The following FLRT3 variants were observed in gnomAD, a reference collection of about 807,000 sequenced individuals.
The protein encoded by FLRT3 is leucine-rich repeat transmembrane protein FLRT3.
FLRT3 carries 17 observed loss-of-function variants against 42.6 expected under a neutral mutation model. That is an observed-to-expected ratio of 0.40 (90% CI 0.27 to 0.60). FLRT3 has a LOEUF of 0.60. Ranked by LOEUF, FLRT3 falls within the 20% of genes least tolerant of loss-of-function variation. FLRT3 has a pLI of 0.44. For missense variants in FLRT3, 635 were observed against 789.2 expected, an observed-to-expected ratio of 0.80 and a Z score of 2.34; for synonymous variants, 279 against 286.4, an observed-to-expected ratio of 0.97 and a Z score of 0.26.
At chr20:14,332,283 A>C (rs935046728) in intron 1 of FLRT3, among the ~76,000 whole-genome samples, 1 of 152,144 alleles carries the variant, frequency 6.6e-6, no homozygotes, top group Non-Finnish European at 1.5e-5. Flanking sequence ...TAAAACATGT[A>C]AATAGATAAG....
In FLRT3 at chr20:14,325,993, C is replaced by T. The variant is rs760038366; in HGVS notation, c.1514G>A (p.Arg505Gln). The change falls in exon 3 of 3, where the codon CGA becomes CAA. Residue 505 changes from arginine to glutamine, a missense_variant. Coordinates refer to ENST00000341420, the MANE Select transcript of FLRT3 (RefSeq NM_198391.3). ...VCIETETAPL[R>Q]MYNPTTTLNR... is the part of the protein sequence containing the mutation. ...GAGGGTGGTTGTAGGGTTGTACATT[C>T]GAAGGGGTGCAGTTTCAGTCTCAAT... is the stretch of plus-strand genomic sequence containing the variant. 18 of 1,613,822 alleles carry T rather than the reference C, an allele frequency of 1.1e-5. No homozygotes were observed. Among genetic ancestry groups the T allele is most frequent in the South Asian group, 2.2e-5 (2 of 91,078 alleles).
At position 14,325,184 on chromosome 20, in the gene FLRT3, A is replaced by G. The variant is rs1278743016; in HGVS notation, c.*373T>C. 1 of 158,836 alleles carries G rather than the reference A, an allele frequency of 6.3e-6. No homozygotes were observed. The highest frequency in any genetic ancestry group is 6.4e-5 in the Admixed American group (1 of 15,512). The allele number at this position is 158,836 out of a possible 1,614,324, so 9.8% of individuals were successfully genotyped here. A position where few individuals can be genotyped will look rare whatever the true frequency, so the allele number is the denominator to read the frequency against. On this transcript the variant is annotated 3_prime_UTR_variant, in exon 3 of 3. Coordinates refer to ENST00000341420, the MANE Select transcript of FLRT3 (RefSeq NM_198391.3). The stretch of plus-strand genomic sequence containing the variant: ...TGTGCTTATACTACAAGGATCTCAT[A>G]TGAATGCAGTCCTGATTGTTCGACA...
At position 14,325,588 on chromosome 20, in the gene FLRT3, C is replaced by T. The variant is rs771968328; in HGVS notation, c.1919G>A (p.Gly640Asp). The T allele has an allele frequency of 1.2e-6, 2 of 1,612,640 alleles. No homozygotes were observed. The highest frequency in any genetic ancestry group is 2.2e-5 in the South Asian group (2 of 90,906). ...GTGTGAGTGATCTGAGTCTGGAATA[C>T]CACTGTCTCTGTAGCTTCGGTTACT... ...SSSNRSYRDS[G>D]IPDSDHSHS Residue 640 changes from glycine (G) to aspartate (D), a missense_variant, in exon 3 of 3, where the codon GGT (glycine) becomes GAT (aspartate). By Grantham distance (94) the Gly-to-Asp change is moderately conservative. Transcript: ENST00000341420.
chr20:14,327,187 T>G lies in FLRT3; in HGVS notation c.320A>C (p.Lys107Thr). 1 of 1,613,682 alleles carries G rather than the reference T, an allele frequency of 6.2e-7. No homozygotes were observed. Among genetic ancestry groups the G allele is most frequent in the East Asian group, 2.2e-5 (1 of 44,868 alleles). Reference protein sequence around the residue: ...EFPTNLPKYVKELHLQENNIR... With the variant: ...EFPTNLPKYVTELHLQENNIR... The stretch of plus-strand genomic sequence containing the variant: ...GTTATTTTCTTGCAAATGTAACTCT[T>G]TTACATACTTTGGGAGGTTGGTAGG... Residue 107 changes from lysine (K) to threonine (T), a missense_variant, in exon 3 of 3, where the codon AAA becomes ACA. Lys to Thr is a moderately conservative substitution (Grantham distance 78). Transcript: ENST00000341420.
At position 14,323,279 on chromosome 20, in the gene FLRT3, A is replaced by C. The variant is rs923873979; in HGVS notation, c.*2278T>G. Reference sequence around the variant, plus strand: ...CCTTTTTGTGTTCTATTAATTTGCTACAACAGCTCACAAAATGCAAGGAAA... The same window carrying C: ...CCTTTTTGTGTTCTATTAATTTGCTCCAACAGCTCACAAAATGCAAGGAAA... On this transcript the variant is annotated 3_prime_UTR_variant, in exon 3 of 3. Transcript: ENST00000341420. The C allele has an allele frequency of 6.6e-6, 1 of 152,126 alleles. No homozygotes were observed. Among genetic ancestry groups the C allele is most frequent in the African/African-American group, 2.4e-5 (1 of 41,436 alleles). 9.4% of individuals were successfully genotyped at this position (152,126 alleles called of 1,614,324 possible).
At position 14,326,002 on chromosome 20, in the gene FLRT3, G is replaced by A. The variant is rs762486243; in HGVS notation, c.1505C>T (p.Ala502Val). The change falls in exon 3 of 3, where the codon GCA becomes GTA. Residue 502 changes from alanine (A) to valine (V), a missense_variant. Physicochemically the swap from Ala to Val is moderately conservative, Grantham distance 64. Coordinates refer to ENST00000341420, the MANE Select transcript of FLRT3 (RefSeq NM_198391.3). This position sits in a 1 kb window ranked among gnomAD's most constrained non-coding sequence, Gnocchi z 5.5. ...TGTAGGGTTGTACATTCGAAGGGGTGCAGTTTCAGTCTCAATACAAACAGG... is the reference window on the plus strand; with the variant it reads ...TGTAGGGTTGTACATTCGAAGGGGTACAGTTTCAGTCTCAATACAAACAGG... ...ETPVCIETET[A>V]PLRMYNPTTT... The A allele has an allele frequency of 1.9e-6, 3 of 1,613,790 alleles. No individual in the cohort carries two copies. In the African/African-American group the frequency reaches 4.0e-5, roughly 22 times the overall value.
chr20:14,326,154 A>G lies in FLRT3; in HGVS notation c.1353T>C (p.Ser451=). 1 of 1,613,898 alleles carries G rather than the reference A, an allele frequency of 6.2e-7. No individual in the cohort carries two copies. The highest frequency in any genetic ancestry group is 8.5e-7 in the Non-Finnish European group (1 of 1,179,884). The change falls in exon 3 of 3, where the codon TCT becomes TCC. Residue 451 remains serine (S), a synonymous_variant. Coordinates refer to ENST00000341420, the MANE Select transcript of FLRT3 (RefSeq NM_198391.3). This position sits in a 1 kb window ranked among gnomAD's most constrained non-coding sequence, Gnocchi z 5.5. ...LKLGHSPAFG[S]ITETIVTGER... ...CCCCTGTTACAATTGTTTCTGTTAT[A>G]GATCCAAATGCCGGGCTATGGCCCA...
chr20:14,325,534 AG>A lies in FLRT3; in HGVS notation c.*22del. 1 of 1,584,988 alleles carries A rather than the reference AG, an allele frequency of 6.3e-7. No individual in the cohort carries two copies. The highest frequency in any genetic ancestry group is 8.6e-7 in the Non-Finnish European group (1 of 1,165,182). ...TTAGGTTTAAAAAACCCAAAACACA[AG>A]TCTGCTGTGAGTCCTTCAGCATCAT... On this transcript the variant is annotated 3_prime_UTR_variant, in exon 3 of 3. Transcript: ENST00000341420.
At chr20:14,329,363 A>G (rs2082792911) in intron 1 of FLRT3, 36 bp from the exon 2 acceptor site, 1 of 152,138 alleles carries the variant, frequency 6.6e-6, no homozygotes, top group Non-Finnish European at 1.5e-5. Flanking sequence ...ACTATTAATA[A>G]TGAACTTTAA....
At chr20:14,336,521 T>C (rs2082940349) in intron 1 of FLRT3, among the ~76,000 whole-genome samples, 1 of 152,148 alleles carries the variant, frequency 6.6e-6, no homozygotes, top group South Asian at 2.1e-4. Context: ...ATAAATGCAT[T>C]TCTTCCAATA....
At chr20:14,328,198 T>G (rs903092309) in intron 2 of FLRT3, among the ~76,000 whole-genome samples, 1 of 152,138 alleles carries the variant, frequency 6.6e-6, no homozygotes, top group Non-Finnish European at 1.5e-5. Context: ...AATGGATGGA[T>G]TTCTGCAAGA....
At chr20:14,328,608 G>A (rs1003169373) in intron 2 of FLRT3, among the ~76,000 whole-genome samples, 10 of 151,988 alleles carry the variant, frequency 6.6e-5, no homozygotes, top group African/African-American at 1.2e-4. Context: ...TAAATTTTGC[G>A]GGGGTGAATA....
intron 1 of FLRT3, among the ~76,000 whole-genome samples, chr20:14,335,381 A>T (rs1221686666): frequency 6.6e-6 from 1 of 152,222 alleles, no homozygotes; most frequent in Non-Finnish European, 1.5e-5. Context: ...CAAGATTTCA[A>T]CCAAATTTAT....
chr20:14,331,339 G>A (rs576751647), intron 1 of FLRT3, among the ~76,000 whole-genome samples: 58 of 152,182 alleles, frequency 3.8e-4, no homozygotes, highest in African/African-American at 1.3e-3. Flanking sequence ...TGAAAAGACG[G>A]AAGATTAATT....
At chr20:14,334,451 G>A (rs2082900481) in intron 1 of FLRT3, among the ~76,000 whole-genome samples, 1 of 152,152 alleles carries the variant, frequency 6.6e-6, no homozygotes, top group South Asian at 2.1e-4. Flanking sequence ...TTTATGCTCT[G>A]AAGAGAAAAT....
Position 14,324,597 on chromosome 20 carries a change from A to C in FLRT3, c.*960T>G, listed in dbSNP as rs550412395. On this transcript the variant is annotated 3_prime_UTR_variant, in exon 3 of 3. Transcript: ENST00000341420. ...GTTGAGGGGAATCGCTTATAATTAC[A>C]TTACATTTTTAATATGCATAAAGTT... 1 of 152,308 alleles carries C rather than the reference A, an allele frequency of 6.6e-6. No individual in the cohort carries two copies. The highest frequency in any genetic ancestry group is 2.4e-5 in the African/African-American group (1 of 41,574). The allele number at this position is 152,308 out of a possible 1,614,324, so 9.4% of individuals were successfully genotyped here. A position where few individuals can be genotyped will look rare whatever the true frequency, so the allele number is the denominator to read the frequency against.
Position 14,325,461 on chromosome 20 carries a change from C to T in FLRT3, c.*96G>A, listed in dbSNP as rs541726266. ...ACAGTACATTGCTTTTTTTCAGTCT[C>T]TTTTTCCAGTGTTTTGCAGTAGAAC... On this transcript the variant is annotated 3_prime_UTR_variant, in exon 3 of 3. Transcript: ENST00000341420. 3.0e-5 allele frequency: 39 copies of T among 1,315,600 alleles called. No individual in the cohort carries two copies. The East Asian group carries it at 5.6e-4, about 19-fold the overall frequency. The allele number at this position is 1,315,600 out of a possible 1,614,324, so 81.5% of individuals were successfully genotyped here. A position where few individuals can be genotyped will look rare whatever the true frequency, so the allele number is the denominator to read the frequency against.
chr20:14,326,047 A>C lies in FLRT3; in HGVS notation c.1460T>G (p.Leu487Arg). The change falls in exon 3 of 3, where the codon CTC becomes CGC. Residue 487 changes from leucine to arginine, a missense_variant. Leu to Arg is a moderately radical substitution (Grantham distance 102). Coordinates refer to ENST00000341420, the MANE Select transcript of FLRT3 (RefSeq NM_198391.3). The surrounding 1 kb of genome is among the most constrained non-coding windows in gnomAD (Gnocchi z 5.5). ...AACAGGAGTTTCATCAAATAGGTAGAGGTTGCTGGTTTCCATGGGAACCAT... is the reference window on the plus strand; with the variant it reads ...AACAGGAGTTTCATCAAATAGGTAGCGGTTGCTGGTTTCCATGGGAACCAT... ...VCMVPMETSN[L>R]YLFDETPVCI... 6.2e-7 allele frequency: 1 copy of C among 1,613,944 alleles called. No individual in the cohort carries two copies. The highest frequency in any genetic ancestry group is 1.1e-5 in the South Asian group (1 of 91,084).
chr20:14,327,315 G>A lies in FLRT3; in HGVS notation c.192C>T (p.Tyr64=), dbSNP rs749677217. 6.2e-7 allele frequency: 1 copy of A among 1,613,780 alleles called. No homozygotes were observed. The highest frequency in any genetic ancestry group is 8.5e-7 in the Non-Finnish European group (1 of 1,179,780). Reference sequence around the variant, plus strand: ...CATTATTTATTTGGTTGTTCTGAAGGTAGAGAGTTGTAGCATCCTCTGGTA... The same window carrying A: ...CATTATTTATTTGGTTGTTCTGAAGATAGAGAGTTGTAGCATCCTCTGGTA... ...TGIPEDATTL[Y]LQNNQINNAG... is the part of the protein sequence containing the mutation. Residue 64 remains tyrosine, a synonymous_variant, in exon 3 of 3, where the codon TAC becomes TAT. Coordinates refer to ENST00000341420, the MANE Select transcript of FLRT3 (RefSeq NM_198391.3).
Sources: gnomAD v4.1 joint callset for allele counts (sites outside exome capture counted in the v4.1 genomes callset) on GRCh38, gnomAD v4.1.1 for gene constraint, Gnocchi (gnomAD v3.1) non-coding constraint, MANE v1.5 for transcripts, NCBI Gene and HGNC (gene_info 2026-07-23, HGNC 2026-07-21) for gene names.